NDRG1: variants seen among roughly 807,000 people sequenced by gnomAD.
The protein encoded by NDRG1 is N-myc downstream regulated 1, also known as protein NDRG1.
Under a neutral mutation model 56.9 loss-of-function variants are expected in NDRG1, and 32 were observed. The observed-to-expected ratio is 0.56, with a 90% confidence interval of 0.42 to 0.76. NDRG1 has a LOEUF of 0.76. Among genes scored for constraint, NDRG1 ranks in the 30% least tolerant of loss-of-function variants. The pLI is 0.00. For synonymous variants in NDRG1, 211 were observed against 204.1 expected, an observed-to-expected ratio of 1.03 and a Z score of -0.29; for missense variants, 507 against 545.7, an observed-to-expected ratio of 0.93 and a Z score of 0.71.
chr8:133,255,256 G>A, intron 8 of NDRG1: 1 of 456,204 alleles, frequency 2.2e-6, no homozygotes, highest in Non-Finnish European at 4.4e-6. Context: ...TGTGGCACTG[G>A]GCAGTCTGCA....
At chr8:133,281,717 T>C (rs980488893) in intron 2 of NDRG1, among the ~76,000 whole-genome samples, 1 of 152,152 alleles carries the variant, frequency 6.6e-6, no homozygotes, top group Non-Finnish European at 1.5e-5. Context: ...GAAGACTAGA[T>C]GACAACACAG....
At chr8:133,263,930 AAAG>A (rs1469306251) in intron 4 of NDRG1, among the ~76,000 whole-genome samples, 1,806 of 151,218 alleles carry the variant, frequency 0.012, 24 homozygotes, top group African/African-American at 0.041. Context: ...AAAAAAAAAA[AAAG>A]AAAGAAAGAA....
intron 2 of NDRG1, among the ~76,000 whole-genome samples, chr8:133,280,468 G>C (rs1216964962): frequency 6.7e-6 from 1 of 149,510 alleles, no homozygotes; most frequent in East Asian, 1.9e-4. Flanking sequence ...CTGTCGCCCA[G>C]GTTAGAGTAC....
chr8:133,270,145 C>T (rs1857120148), intron 3 of NDRG1, among the ~76,000 whole-genome samples: 1 of 152,250 alleles, frequency 6.6e-6, no homozygotes, highest in Admixed American at 6.5e-5. Context: ...CAGAGTCTGG[C>T]CCGGAGGGTA....
intron 5 of NDRG1, among the ~76,000 whole-genome samples, chr8:133,259,908 G>A (rs1856577519): frequency 6.6e-6 from 1 of 152,224 alleles, no homozygotes; most frequent in South Asian, 2.1e-4. Flanking sequence ...AAGTGACGCT[G>A]AAGGGGTCAT....
chr8:133,271,219 G>A (rs1402918697), intron 3 of NDRG1, among the ~76,000 whole-genome samples: 4 of 152,172 alleles, frequency 2.6e-5, no homozygotes, highest in Admixed American at 6.5e-5. Flanking sequence ...CAGTTGGTGG[G>A]CTTGGTGACC....
At chr8:133,240,489 C>G (rs3779945) in intron 15 of NDRG1, 37,260 of 152,134 alleles carry the variant, frequency 0.24, 4,999 homozygotes, top group Middle Eastern at 0.38. Context: ...TGAGCCCCTA[C>G]TTCTCACCCA....
intron 1 of NDRG1, among the ~76,000 whole-genome samples, chr8:133,293,429 C>T (rs904032746): frequency 2.0e-5 from 3 of 152,182 alleles, no homozygotes; most frequent in African/African-American, 7.2e-5. Context: ...TCAGGAGGCT[C>T]ACCTTGGGCA....
At chr8:133,247,167 G>A (rs974359805) in intron 12 of NDRG1, among the ~76,000 whole-genome samples, 8 of 152,300 alleles carry the variant, frequency 5.3e-5, no homozygotes, top group African/African-American at 1.7e-4. Context: ...TGTTCAAAAT[G>A]CTTAAAGTAA....
chr8:133,253,110 G>T (rs1394143248), intron 9 of NDRG1, among the ~76,000 whole-genome samples: 1 of 152,236 alleles, frequency 6.6e-6, no homozygotes, highest in Non-Finnish European at 1.5e-5. Context: ...CAGACCCTGG[G>T]CTTGCAACCA....
chr8:133,259,335 G>T, intron 5 of NDRG1, 105 bp from the exon 6 acceptor site: 1 of 1,149,368 alleles, frequency 8.7e-7, no homozygotes, highest in Non-Finnish European at 1.3e-6. Flanking sequence ...CCTGCCCCAT[G>T]CACCCAGACC....
rs751338468 is a variant in NDRG1, at chr8:133,284,372, G to A, written c.-18-43C>T. 6.3e-6 allele frequency: 10 copies of A among 1,597,060 alleles called. No individual in the cohort carries two copies. The African/African-American group carries it at 8.0e-5, about 13-fold the overall frequency. ...CCAAAAGGTCAACACTTCCTGCTGA[G>A]AGGTTTCCTAAAGGAAGCAAATCCA... On this transcript the variant is annotated intron_variant, in intron 1 of 15. Transcript: ENST00000323851.
intron 5 of NDRG1, 33 bp downstream of exon 5, chr8:133,262,014 C>A (rs372405859): frequency 7.0e-6 from 11 of 1,569,644 alleles, no homozygotes; most frequent in East Asian, 6.8e-5. Context: ...CAGTTTCCAC[C>A]CTGTAGAGCT....
At chr8:133,264,434 G>A (rs1856810950) in intron 4 of NDRG1, 113 bp downstream of exon 4, 2 of 925,348 alleles carry the variant, frequency 2.2e-6, no homozygotes, top group East Asian at 2.5e-5. Context: ...GCCCCAGGAA[G>A]TCCCAGGCAA....
chr8:133,284,159 C>T (rs1267103957), intron 2 of NDRG1, 90 bp downstream of exon 2: 4 of 1,217,480 alleles, frequency 3.3e-6, no homozygotes, highest in Non-Finnish European at 3.7e-6. Context: ...GTTTGCATGC[C>T]CATAAGTACA....
intron 1 of NDRG1, among the ~76,000 whole-genome samples, chr8:133,287,943 A>G (rs535126153): frequency 1.4e-5 from 2 of 144,724 alleles, no homozygotes; most frequent in African/African-American, 2.7e-5. Flanking sequence ...GCGTGCACAC[A>G]CGCACACACA....
intron 1 of NDRG1, among the ~76,000 whole-genome samples, chr8:133,288,839 G>A (rs371855168): frequency 6.6e-6 from 1 of 152,268 alleles, no homozygotes; most frequent in African/African-American, 2.4e-5. Context: ...CCCTCCAGCA[G>A]GTCTCCTTCA....
At chr8:133,278,793 G>C (rs1018853116) in intron 3 of NDRG1, among the ~76,000 whole-genome samples, 18 of 152,028 alleles carry the variant, frequency 1.2e-4, no homozygotes, top group African/African-American at 4.3e-4. Flanking sequence ...AGCACTCAGG[G>C]CTGGAAGAGG....
chr8:133,238,486 C>T lies in NDRG1; in HGVS notation c.*392G>A, dbSNP rs562723755. The T allele has an allele frequency of 1.4e-5, 4 of 283,074 alleles. No individual in the cohort carries two copies. The highest frequency in any genetic ancestry group is 1.3e-4 in the South Asian group (1 of 7,938). 17.5% of individuals were successfully genotyped at this position (283,074 alleles called of 1,614,324 possible). On this transcript the variant is annotated 3_prime_UTR_variant, in exon 16 of 16. Coordinates refer to ENST00000323851, the MANE Select transcript of NDRG1 (RefSeq NM_006096.4). ...AGTTAAAGAGGAAACGGGAAGTGGG[C>T]GGCTGGCCTTCTGACCAGGCACCCG...
Sources: gnomAD v4.1 joint callset for allele counts (sites outside exome capture counted in the v4.1 genomes callset) on GRCh38, gnomAD v4.1.1 for gene constraint, MANE v1.5 for transcripts, NCBI Gene and HGNC (gene_info 2026-07-23, HGNC 2026-07-21) for gene names.